NAT9: variants seen among roughly 807,000 people sequenced by gnomAD.
NAT9 encodes N-acetyltransferase 9.
Under a neutral mutation model 24.0 loss-of-function variants are expected in NAT9, and 18 were observed. That is an observed-to-expected ratio of 0.75 (90% CI 0.52 to 1.11). The LOEUF (loss-of-function observed/expected upper bound fraction) is 1.11. Ranked by LOEUF, NAT9 falls within the 50% of genes most tolerant of loss-of-function variation. The pLI is 0.00. For missense variants in NAT9, 254 were observed against 258.6 expected, an observed-to-expected ratio of 0.98 and a Z score of 0.12; for synonymous variants, 104 against 102.3, an observed-to-expected ratio of 1.02 and a Z score of -0.10.
intron 4 of NAT9, 83 bp from the exon 5 acceptor site, chr17:74,772,360 C>T (rs1479509378): frequency 6.5e-7 from 1 of 1,547,360 alleles, no homozygotes; most frequent in Non-Finnish European, 8.7e-7. Context: ...TCATTTAATT[C>T]TCAACAACTC....
rs747769129 is a variant in NAT9, at chr17:74,772,288, C to G, written c.335-11G>C. ...CCCTGCAGCTGGGCTCTAGGAGAGA[C>G]AACAGGAGCGGCGCTGACGCCGTGT... On this transcript the variant is annotated splice_polypyrimidine_tract_variant and intron_variant, in intron 4 of 6. Coordinates refer to ENST00000357814, the MANE Select transcript of NAT9 (RefSeq NM_015654.5). 2 of 1,613,734 alleles carry G rather than the reference C, an allele frequency of 1.2e-6. No homozygotes were observed. Among genetic ancestry groups the G allele is most frequent in the Admixed American group, 3.3e-5 (2 of 60,014 alleles).
intron 2 of NAT9, chr17:74,775,386 G>A (rs766632465): frequency 1.3e-4 from 54 of 411,928 alleles, no homozygotes; most frequent in Non-Finnish European, 2.2e-4. Flanking sequence ...ACAAGGTCTC[G>A]CTACGTTACC....
chr17:74,771,551 CCA>C lies in NAT9; in HGVS notation c.*171_*172del, dbSNP rs2035203888. 1 of 1,066,886 alleles carries C rather than the reference CCA, an allele frequency of 9.4e-7. No homozygotes were observed. Among genetic ancestry groups the C allele is most frequent in the Admixed American group, 2.6e-5 (1 of 37,988 alleles). The allele number at this position is 1,066,886 out of a possible 1,614,324, so 66.1% of individuals were successfully genotyped here. A position where few individuals can be genotyped will look rare whatever the true frequency, so the allele number is the denominator to read the frequency against. ...GGCCCTGGCCCTGGAGTCTGCTCAG[CCA>C]CACCACTAGCTGGAGGGAGGCCACA... is the stretch of plus-strand genomic sequence containing the variant. On this transcript the variant is annotated 3_prime_UTR_variant, in exon 7 of 7. Coordinates refer to ENST00000357814, the MANE Select transcript of NAT9 (RefSeq NM_015654.5).
chr17:74,775,802 T>C (rs2035976246), intron 1 of NAT9, 95 bp from the exon 2 acceptor site: 2 of 927,918 alleles, frequency 2.2e-6, no homozygotes, highest in South Asian at 2.8e-5. Flanking sequence ...CTAAGTTGAC[T>C]TCCGTCATTA....
chr17:74,772,545 C>T (rs1260170746), intron 4 of NAT9: 1 of 1,405,606 alleles, frequency 7.1e-7, no homozygotes, highest in African/African-American at 1.5e-5. Context: ...AAACTGAGGA[C>T]CATGAAGGAG....
chr17:74,771,973 A>C lies in NAT9; in HGVS notation c.476T>G (p.Leu159Arg). 5 of 1,614,222 alleles carry C rather than the reference A, an allele frequency of 3.1e-6. No homozygotes were observed. The highest frequency in any genetic ancestry group is 4.2e-6 in the Non-Finnish European group (5 of 1,180,034). Residue 159 changes from leucine (L) to arginine (R), a missense_variant, in exon 6 of 7, where the codon CTT (leucine) becomes CGT (arginine). Transcript: ENST00000357814. ...GGACATCCTTACCTGCTCAAAGTGA[A>C]GTTTCTGGAACATCCGGATGCTTGG... Reference protein sequence around the residue: ...NEPSIRMFQKLHFEQVATSSV... With the variant: ...NEPSIRMFQKRHFEQVATSSV...
At chr17:74,772,706 G>A in intron 4 of NAT9, 190 bp downstream of exon 4, 1 of 1,133,204 alleles carries the variant, frequency 8.8e-7, no homozygotes. Flanking sequence ...AAGGACTAAA[G>A]TGATGAGGCT....
At chr17:74,771,937 A>C (rs1275865399) in intron 6 of NAT9, 23 bp downstream of exon 6, 1 of 1,614,084 alleles carries the variant, frequency 6.2e-7, no homozygotes, top group Admixed American at 1.7e-5. Context: ...TCTAAGCCCC[A>C]CTCTGCCCCA....
At chr17:74,774,108 T>C (rs1281107497) in intron 2 of NAT9, 2 of 183,130 alleles carry the variant, frequency 1.1e-5, no homozygotes, top group Non-Finnish European at 2.4e-5. Flanking sequence ...CTACCAGACA[T>C]GTGCCAACTG....
intron 3 of NAT9, 151 bp downstream of exon 3, chr17:74,773,425 A>T: frequency 1.5e-6 from 1 of 663,370 alleles, no homozygotes; most frequent in South Asian, 1.8e-5. Context: ...GACTGGCTTC[A>T]GGGCCATGAG....
chr17:74,772,096 G>A (rs759818240), intron 5 of NAT9, 42 bp from the exon 6 acceptor site: 2 of 1,613,946 alleles, frequency 1.2e-6, no homozygotes, highest in East Asian at 2.2e-5. Flanking sequence ...GGAGGCGCCT[G>A]CCCCCACCCT....
At chr17:74,771,914 C>T (rs367914164) in intron 6 of NAT9, 46 bp downstream of exon 6, 2 of 1,614,082 alleles carry the variant, frequency 1.2e-6, no homozygotes, top group African/African-American at 1.3e-5. Context: ...CACCACCAGG[C>T]CCACCACCCA....
chr17:74,771,286 G>A lies in NAT9; in HGVS notation c.*438C>T. 1 of 202,410 alleles carries A rather than the reference G, an allele frequency of 4.9e-6. No individual in the cohort carries two copies. The highest frequency in any genetic ancestry group is 1.0e-5 in the Non-Finnish European group (1 of 96,388). The allele number at this position is 202,410 out of a possible 1,614,324, so 12.5% of individuals were successfully genotyped here. A position where few individuals can be genotyped will look rare whatever the true frequency, so the allele number is the denominator to read the frequency against. Reference sequence around the variant, plus strand: ...CACTGTGAGGCTGGGGCTCGTGGTAGCTCTTCACATGGACCAAACGGGAAA... The same window carrying A: ...CACTGTGAGGCTGGGGCTCGTGGTAACTCTTCACATGGACCAAACGGGAAA... On this transcript the variant is annotated 3_prime_UTR_variant, in exon 7 of 7. Coordinates refer to ENST00000357814, the MANE Select transcript of NAT9 (RefSeq NM_015654.5).
At position 74,773,058 on chromosome 17, in the gene NAT9, G is replaced by A. The variant is rs2035459913; in HGVS notation, c.191-19C>T. 1 of 1,612,554 alleles carries A rather than the reference G, an allele frequency of 6.2e-7. No homozygotes were observed. Among genetic ancestry groups the A allele is most frequent in the Non-Finnish European group, 8.5e-7 (1 of 1,179,510 alleles). On this transcript the variant is annotated intron_variant, in intron 3 of 6. Coordinates refer to ENST00000357814, the MANE Select transcript of NAT9 (RefSeq NM_015654.5). ...GTACACTCTGAGGAGGAGGTGACAG[G>A]GCTATCACACACACTCCCCAGAGGA... is the stretch of plus-strand genomic sequence containing the variant.
chr17:74,774,495 A>G (rs1429762136), intron 2 of NAT9, among the ~76,000 whole-genome samples: 2 of 131,116 alleles, frequency 1.5e-5, no homozygotes, highest in Non-Finnish European at 3.2e-5. Context: ...ATGCCCAGCT[A>G]TTTTTTTTGT....
At chr17:74,773,116 G>C in intron 3 of NAT9, 77 bp from the exon 4 acceptor site, 1 of 1,516,976 alleles carries the variant, frequency 6.6e-7, no homozygotes, top group Non-Finnish European at 8.9e-7. Flanking sequence ...ACCCAAGCCA[G>C]AGCACTGCAG....
chr17:74,772,833 C>G (rs1291548509), intron 4 of NAT9, 63 bp downstream of exon 4: 2 of 1,603,606 alleles, frequency 1.2e-6, no homozygotes, highest in Non-Finnish European at 1.7e-6. Flanking sequence ...GCAGCCTCGG[C>G]AGGCTCAGTC....
intron 2 of NAT9, chr17:74,774,109 G>A (rs2035621540): frequency 5.5e-6 from 1 of 181,480 alleles, no homozygotes; most frequent in Admixed American, 5.4e-5. Context: ...TACCAGACAT[G>A]TGCCAACTGC....
At chr17:74,774,005 G>A (rs970026221) in intron 2 of NAT9, 12 of 248,342 alleles carry the variant, frequency 4.8e-5, no homozygotes, top group South Asian at 2.6e-4. Context: ...CAACAAAGGC[G>A]GCTGGACAGA....
Sources: allele counts gnomAD v4.1 joint callset (sites outside exome capture counted in the v4.1 genomes callset), GRCh38; gene constraint gnomAD v4.1.1; transcripts MANE v1.5; gene names NCBI Gene and HGNC (gene_info 2026-07-23, HGNC 2026-07-21).